Variants in SRD5A2 observed in about 807,000 individuals in gnomAD.
SRD5A2 encodes the protein steroid 5 alpha-reductase 2.
SRD5A2 carries 30 observed loss-of-function variants against 27.4 expected under a neutral mutation model. The observed-to-expected ratio is 1.10, with a 90% CI of 0.82 to 1.49. The LOEUF (loss-of-function observed/expected upper bound fraction) is 1.49, where lower values mean the gene tolerates loss of function less well. Ranked by LOEUF, SRD5A2 falls within the 40% of genes most tolerant of loss-of-function variation. The pLI, the probability that SRD5A2 is intolerant of heterozygous loss-of-function variation, is 0.00. For synonymous variants in SRD5A2, 141 were observed against 133.6 expected, an observed-to-expected ratio of 1.06 and a Z score of -0.38; for missense variants, 348 against 323.4, an observed-to-expected ratio of 1.08 and a Z score of -0.58.
upstream of SRD5A2, chr2:31,581,116 A>G: frequency 1.8e-6 from 1 of 570,810 alleles, no homozygotes; most frequent in African/African-American, 1.9e-5. Context: ...GAGGAGAACG[A>G]AGGCCTTCTT....
At chr2:31,553,710 T>C (rs1157306304) in intron 1 of SRD5A2, among the ~76,000 whole-genome samples, 1 of 152,152 alleles carries the variant, frequency 6.6e-6, no homozygotes, top group Non-Finnish European at 1.5e-5. Context: ...AAAGGAAGGA[T>C]ATTTGAGGAG....
the SRD5A2 span, among the ~76,000 whole-genome samples, chr2:31,662,709 G>C: frequency 6.6e-6 from 1 of 152,150 alleles, no homozygotes; most frequent in Non-Finnish European, 1.5e-5. Flanking sequence ...TGAGGCCTCA[G>C]TGGGAAGGCC....
In SRD5A2 at chr2:31,522,733, A is replaced by G. The variant is rs537127270; in HGVS notation, c.*3463T>C. 2 of 222,356 alleles carry G rather than the reference A, an allele frequency of 9.0e-6. No homozygotes were observed. The highest frequency in any genetic ancestry group is 4.5e-5 in the African/African-American group (2 of 44,672). The allele number at this position is 222,356 out of a possible 1,614,324, so 13.8% of individuals were successfully genotyped here. On this transcript the variant is annotated 3_prime_UTR_variant, in exon 5 of 5. Transcript: ENST00000622030. ...TTCATCATAGGATAGTGTAGATGCT[A>G]TAAAATAATCAGCATCCTTCTCCAG...
At position 31,526,401 on chromosome 2, in the gene SRD5A2, T is replaced by A. The variant is rs1665782734; in HGVS notation, c.699-139A>T. 24 of 646,176 alleles carry A rather than the reference T, an allele frequency of 3.7e-5. No homozygotes were observed. In the South Asian group the frequency reaches 3.9e-4, roughly 11 times the overall value. 40.0% of individuals were successfully genotyped at this position (646,176 alleles called of 1,614,324 possible). A position where few individuals can be genotyped will look rare whatever the true frequency, so the allele number is the denominator to read the frequency against. On this transcript the variant is annotated intron_variant, in intron 4 of 4. Coordinates refer to ENST00000622030, the MANE Select transcript of SRD5A2 (RefSeq NM_000348.4). The stretch of plus-strand genomic sequence containing the variant: ...TATTTCGATGGTCACTTATGATTCT[T>A]ATTTCTCCTTCCCACAGCCTATTTC...
At position 31,524,644 on chromosome 2, in the gene SRD5A2, C is replaced by T. The variant is rs1042578; in HGVS notation, c.*1552G>A. On this transcript the variant is annotated 3_prime_UTR_variant, in exon 5 of 5. Coordinates refer to ENST00000622030, the MANE Select transcript of SRD5A2 (RefSeq NM_000348.4). Reference sequence around the variant, plus strand: ...CACTTATTTATATGATTGCAATTTGCATTTTTCAGTAATCTACATCATCCT... The same window carrying T: ...CACTTATTTATATGATTGCAATTTGTATTTTTCAGTAATCTACATCATCCT... 0.16 allele frequency: 36,298 copies of T among 230,052 alleles called. 3,236 individuals carry two copies. Among genetic ancestry groups the T allele is most frequent in the African/African-American group, 0.25 (11,155 of 45,212 alleles). 14.3% of individuals were successfully genotyped at this position (230,052 alleles called of 1,614,324 possible).
At position 31,524,901 on chromosome 2, in the gene SRD5A2, C is replaced by CA. The variant is rs1390233058; in HGVS notation, c.*1294dup. On this transcript the variant is annotated 3_prime_UTR_variant, in exon 5 of 5. Transcript: ENST00000622030. ...ACCCCTTCACAAGAGTTTGCAAACT[C>CA]AAATGCTTACTAGCTACGTAGTTCC... 4.4e-6 allele frequency: 1 copy of CA among 226,522 alleles called. No homozygotes were observed. The highest frequency in any genetic ancestry group is 2.2e-5 in the African/African-American group (1 of 44,964). The allele number at this position is 226,522 out of a possible 1,614,324, so 14.0% of individuals were successfully genotyped here. A position where few individuals can be genotyped will look rare whatever the true frequency, so the allele number is the denominator to read the frequency against.
chr2:31,660,234 G>A, the SRD5A2 span, among the ~76,000 whole-genome samples: 1 of 152,012 alleles, frequency 6.6e-6, no homozygotes, highest in Non-Finnish European at 1.5e-5. Context: ...ATTGGCAAAA[G>A]TTCAGGAGCT....
the SRD5A2 span, among the ~76,000 whole-genome samples, chr2:31,591,290 A>C: frequency 1.3e-5 from 2 of 152,226 alleles, no homozygotes; most frequent in African/African-American, 4.8e-5. Context: ...ATGAACAGAC[A>C]TTTCTCAAAA....
chr2:31,529,378 C>T lies in SRD5A2; in HGVS notation c.627G>A (p.Trp209Ter). The T allele has an allele frequency of 6.2e-7, 1 of 1,613,944 alleles. No homozygotes were observed. Among genetic ancestry groups the T allele is most frequent in the Non-Finnish European group, 8.5e-7 (1 of 1,179,854 alleles). Residue 209 changes from tryptophan to a stop codon, truncating the protein, a stop_gained, in exon 4 of 5, where the codon TGG becomes TGA. Transcript: ENST00000622030. LOFTEE classifies it high-confidence loss of function. ...ATGCAAATGCAAGTGCTGGGAGGGA[C>T]CAAGTGGCCAGGGCATAGCCGATCC... is the stretch of plus-strand genomic sequence containing the variant. ...IEWIGYALATWSLPALAFAFF... is the reference protein window; with the variant it reads ...IEWIGYALAT
At chr2:31,610,176 T>C in the SRD5A2 span, among the ~76,000 whole-genome samples, 2 of 152,068 alleles carry the variant, frequency 1.3e-5, no homozygotes, top group South Asian at 4.1e-4. Context: ...TTTTATGTGG[T>C]CAGCATTATC....
At chr2:31,590,887 T>A in the SRD5A2 span, among the ~76,000 whole-genome samples, 3 of 152,136 alleles carry the variant, frequency 2.0e-5, no homozygotes, top group Non-Finnish European at 4.4e-5. Context: ...AGCCATATGT[T>A]GAAAGCTGAA....
At chr2:31,613,614 C>A in the SRD5A2 span, among the ~76,000 whole-genome samples, 120 of 152,218 alleles carry the variant, frequency 7.9e-4, no homozygotes, top group African/African-American at 2.8e-3. Context: ...GGAAGTTCTT[C>A]AAAAAACTAA....
At chr2:31,540,126 T>A (rs577846907) in intron 1 of SRD5A2, among the ~76,000 whole-genome samples, 1 of 152,022 alleles carries the variant, frequency 6.6e-6, no homozygotes, top group African/African-American at 2.4e-5. Flanking sequence ...CTATGAAAAA[T>A]TGTGCATATA....
At chr2:31,615,700 T>A in the SRD5A2 span, among the ~76,000 whole-genome samples, 2 of 152,116 alleles carry the variant, frequency 1.3e-5, no homozygotes, top group Admixed American at 1.3e-4. Flanking sequence ...GCTGCAGAAA[T>A]TTGCATAAGT....
At chr2:31,610,004 A>C in the SRD5A2 span, among the ~76,000 whole-genome samples, 107 of 152,244 alleles carry the variant, frequency 7.0e-4, no homozygotes, top group Non-Finnish European at 5.7e-4. Context: ...CCAATAACAA[A>C]TAAAGAGACT....
At chr2:31,544,455 T>A (rs1572638027) in intron 1 of SRD5A2, among the ~76,000 whole-genome samples, 1 of 151,872 alleles carries the variant, frequency 6.6e-6, no homozygotes, top group South Asian at 2.1e-4. Context: ...TTTAAAAAAA[T>A]TAATGGATCA....
At chr2:31,586,011 GCTCAGTGTTTT>G in the SRD5A2 span, among the ~76,000 whole-genome samples, 1 of 152,128 alleles carries the variant, frequency 6.6e-6, no homozygotes, top group African/African-American at 2.4e-5. Flanking sequence ...TTGAGTGCCA[GCTCAGTGTTTT>G]TGTTTATTCA....
chr2:31,525,232 C>T lies in SRD5A2; in HGVS notation c.*964G>A, dbSNP rs1270917472. 2 of 222,194 alleles carry T rather than the reference C, an allele frequency of 9.0e-6. No homozygotes were observed. The highest frequency in any genetic ancestry group is 4.5e-5 in the African/African-American group (2 of 44,682). The allele number at this position is 222,194 out of a possible 1,614,324, so 13.8% of individuals were successfully genotyped here. ...AAGAAGCTCCAGGAAAGGAAAGTTGCTTGGGGCTTCTGCTGTACTTCATAT... is the reference window on the plus strand; with the variant it reads ...AAGAAGCTCCAGGAAAGGAAAGTTGTTTGGGGCTTCTGCTGTACTTCATAT... On this transcript the variant is annotated 3_prime_UTR_variant, in exon 5 of 5. Coordinates refer to ENST00000622030, the MANE Select transcript of SRD5A2 (RefSeq NM_000348.4).
At chr2:31,583,134 C>G (rs1667109451), upstream of SRD5A2, among the ~76,000 whole-genome samples, 1 of 152,172 alleles carries the variant, frequency 6.6e-6, no homozygotes, top group East Asian at 1.9e-4. Context: ...TTCACTCATT[C>G]ATCTGTGTAA....
Sources: gnomAD v4.1 joint callset for allele counts (sites outside exome capture counted in the v4.1 genomes callset) on GRCh38, gnomAD v4.1.1 for gene constraint, MANE v1.5 for transcripts, NCBI Gene and HGNC (gene_info 2026-07-23, HGNC 2026-07-21) for gene names.